The following POU6F2 variants were observed in gnomAD, a reference collection of about 807,000 sequenced individuals.
POU6F2 encodes the protein POU domain, class 6, transcription factor 2.
In POU6F2, 31 loss-of-function variants were observed where a neutral mutation model predicts 71.3. The observed-to-expected ratio is 0.43, with a 90% CI of 0.33 to 0.59. POU6F2 has a LOEUF of 0.59. POU6F2 is among the 20% of genes least tolerant of loss of function. The pLI, the probability that POU6F2 is intolerant of heterozygous loss-of-function variation, is 0.04. For synonymous variants in POU6F2, 347 were observed against 355.7 expected (o/e 0.98, Z 0.27); for missense variants, 783 against 856.8 (o/e 0.91, Z 1.07).
chr7:39,002,243 T>C (rs979350837), intron 1 of POU6F2, among the ~76,000 whole-genome samples: 1 of 152,238 alleles, frequency 6.6e-6, no homozygotes, highest in Non-Finnish European at 1.5e-5. Context: ...GTGATTACTA[T>C]TACTCTGCTC....
At chr7:39,117,421 T>C (rs1791953801) in intron 2 of POU6F2, among the ~76,000 whole-genome samples, 1 of 152,150 alleles carries the variant, frequency 6.6e-6, no homozygotes, top group African/African-American at 2.4e-5. Context: ...ATTGAAAACA[T>C]GCATTTTTCT....
chr7:39,344,079 A>G (rs968708214), intron 5 of POU6F2, among the ~76,000 whole-genome samples: 2 of 152,180 alleles, frequency 1.3e-5, no homozygotes, highest in African/African-American at 4.8e-5. Flanking sequence ...TTCCACACCT[A>G]TACATTAGAG....
intron 2 of POU6F2, among the ~76,000 whole-genome samples, chr7:39,108,564 C>A (rs916502454): frequency 2.6e-5 from 4 of 152,158 alleles, no homozygotes; most frequent in Admixed American, 1.3e-4. Flanking sequence ...CATGTTCCCC[C>A]AGCCTAGGCT....
chr7:39,375,733 CAGTT>C (rs1786698525), intron 5 of POU6F2, among the ~76,000 whole-genome samples: 1 of 152,096 alleles, frequency 6.6e-6, no homozygotes, highest in African/African-American at 2.4e-5. Flanking sequence ...ACAGGAGAAG[CAGTT>C]AGCCCTAAAG....
At chr7:39,395,130 T>C (rs751497827) in intron 5 of POU6F2, among the ~76,000 whole-genome samples, 9 of 152,100 alleles carry the variant, frequency 5.9e-5, no homozygotes, top group Non-Finnish European at 1.2e-4. Flanking sequence ...TATTCTAAAG[T>C]TCACATCTGA....
intron 5 of POU6F2, among the ~76,000 whole-genome samples, chr7:39,346,910 T>C (rs1786043867): frequency 6.6e-6 from 1 of 152,230 alleles, no homozygotes; most frequent in South Asian, 2.1e-4. Context: ...TTTATCATGA[T>C]TTGTAAATAT....
chr7:39,236,541 C>T (rs61748985), intron 4 of POU6F2, among the ~76,000 whole-genome samples: 4,197 of 152,168 alleles, frequency 0.028, 195 homozygotes, highest in African/African-American at 0.096. Flanking sequence ...ACACCTTGTC[C>T]GCATCTTGAG....
At chr7:39,300,660 T>C (rs1022174297) in intron 4 of POU6F2, among the ~76,000 whole-genome samples, 1 of 152,194 alleles carries the variant, frequency 6.6e-6, no homozygotes, top group African/African-American at 2.4e-5. Context: ...CAGGCCTCTC[T>C]CCTTGGCTTG....
intron 5 of POU6F2, among the ~76,000 whole-genome samples, chr7:39,384,577 G>T (rs1037676679): frequency 2.7e-5 from 4 of 150,638 alleles, no homozygotes; most frequent in African/African-American, 9.8e-5. Flanking sequence ...CAAAAAAAAA[G>T]CCCTGCTTGT....
intron 5 of POU6F2, among the ~76,000 whole-genome samples, chr7:39,347,073 G>A (rs1786046503): frequency 6.6e-6 from 1 of 152,164 alleles, no homozygotes; most frequent in African/African-American, 2.4e-5. Flanking sequence ...ACATCCTTCT[G>A]AGCCTCAGTT....
chr7:39,203,842 T>C (rs1793953535), intron 2 of POU6F2, among the ~76,000 whole-genome samples: 1 of 152,076 alleles, frequency 6.6e-6, no homozygotes, highest in Admixed American at 6.5e-5. Flanking sequence ...GGGAAAGCCA[T>C]ATTAGGGAAT....
In POU6F2 at chr7:38,977,924, A is replaced by C. The variant is rs912107015; in HGVS notation, c.-30A>C. ...ACTTTTTTTCCCCTTGCTTTTGGTG[A>C]TGGTTGTGAGTGCAGAAGTTGATTG... On this transcript the variant is annotated 5_prime_UTR_variant, in exon 1 of 10. The change abolishes an upstream ATG in the 5' untranslated region. Transcript: ENST00000518318. The C allele has an allele frequency of 1.4e-4, 22 of 152,168 alleles. No individual in the cohort carries two copies. The highest frequency in any genetic ancestry group is 5.1e-4 in the African/African-American group (21 of 41,376). 9.4% of individuals were successfully genotyped at this position (152,168 alleles called of 1,614,324 possible). A position where few individuals can be genotyped will look rare whatever the true frequency, so the allele number is the denominator to read the frequency against.
intron 4 of POU6F2, among the ~76,000 whole-genome samples, chr7:39,276,490 G>A (rs1280978905): frequency 1.3e-5 from 2 of 151,518 alleles, no homozygotes; most frequent in Non-Finnish European, 3.0e-5. Flanking sequence ...GGAAGTCAGT[G>A]TGGCGATTCC....
chr7:39,170,167 C>CA (rs1793191604), intron 2 of POU6F2, among the ~76,000 whole-genome samples: 1 of 152,046 alleles, frequency 6.6e-6, no homozygotes, highest in South Asian at 2.1e-4. Flanking sequence ...GATTCTGTCT[C>CA]AAAAAATAAT....
At chr7:39,286,715 A>C (rs1293490727) in intron 4 of POU6F2, among the ~76,000 whole-genome samples, 2 of 152,148 alleles carry the variant, frequency 1.3e-5, no homozygotes, top group Non-Finnish European at 2.9e-5. Flanking sequence ...TGTCCCAAGG[A>C]TGCAAATTAG....
At chr7:39,443,830 C>T (rs1358054211) in intron 7 of POU6F2, among the ~76,000 whole-genome samples, 4 of 152,182 alleles carry the variant, frequency 2.6e-5, no homozygotes, top group African/African-American at 9.6e-5. Context: ...TTCTGTCACA[C>T]ATTAGAGAAG....
At chr7:39,278,114 A>C (rs1286512179) in intron 4 of POU6F2, among the ~76,000 whole-genome samples, 1 of 59,862 alleles carries the variant, frequency 1.7e-5, no homozygotes, top group East Asian at 4.2e-4. Flanking sequence ...GGAGGGGGGG[A>C]GGGAGGGAGG....
intron 5 of POU6F2, among the ~76,000 whole-genome samples, chr7:39,383,973 T>C (rs1314259692): frequency 6.6e-6 from 1 of 152,188 alleles, no homozygotes; most frequent in Non-Finnish European, 1.5e-5. Context: ...TATCATCTTC[T>C]CCCCAGAACG....
At chr7:39,454,708 ATATATATATATATATAT>A (rs1788754965) in intron 8 of POU6F2, among the ~76,000 whole-genome samples, 3 of 78,776 alleles carry the variant, frequency 3.8e-5, no homozygotes, top group African/African-American at 1.5e-4. Context: ...ATATATATAT[ATATATATATATATATAT>A]ATAAAATAAG....
Sources: allele counts gnomAD v4.1 joint callset (sites outside exome capture counted in the v4.1 genomes callset), GRCh38; gene constraint gnomAD v4.1.1; transcripts MANE v1.5; gene names NCBI Gene and HGNC (gene_info 2026-07-23, HGNC 2026-07-21).